NKAIN2: variants seen among roughly 807,000 people sequenced by gnomAD.
NKAIN2 encodes the protein sodium/potassium transporting ATPase interacting 2, also known as sodium/potassium-transporting ATPase subunit beta-1-interacting protein 2.
NKAIN2 carries 14 observed loss-of-function variants against 32.6 expected under a neutral mutation model. The ratio of observed to expected loss-of-function variants is 0.43; its 90% confidence interval spans 0.28 to 0.67. The LOEUF (loss-of-function observed/expected upper bound fraction) is 0.67. Among genes scored for constraint, NKAIN2 ranks in the 30% least tolerant of loss-of-function variants. The pLI, the probability that NKAIN2 is intolerant of heterozygous loss-of-function variation, is 0.17. For missense variants in NKAIN2, 198 were observed against 258.3 expected (o/e 0.77, Z 1.60); for synonymous variants, 80 against 87.2 (o/e 0.92, Z 0.46).
intron 1 of NKAIN2, among the ~76,000 whole-genome samples, chr6:124,255,377 A>T (rs138390726): frequency 6.6e-6 from 1 of 152,306 alleles, no homozygotes; most frequent in Non-Finnish European, 1.5e-5. Flanking sequence ...TACTTATCTA[A>T]TTTCAAACAT....
intron 4 of NKAIN2, among the ~76,000 whole-genome samples, chr6:124,750,165 T>C (rs1456775582): frequency 6.6e-6 from 1 of 151,886 alleles, no homozygotes; most frequent in Non-Finnish European, 1.5e-5. Context: ...ATAATACACA[T>C]GAAAGCGTAT....
chr6:124,105,856 T>C (rs1296867382), intron 1 of NKAIN2, among the ~76,000 whole-genome samples: 1 of 152,194 alleles, frequency 6.6e-6, no homozygotes, highest in Non-Finnish European at 1.5e-5. Context: ...TACATATAAG[T>C]AACAATGATA....
intron 3 of NKAIN2, among the ~76,000 whole-genome samples, chr6:124,459,404 G>T (rs1037795551): frequency 3.3e-5 from 5 of 151,718 alleles, no homozygotes. Context: ...TTATAAGATT[G>T]CATATCTTTG....
chr6:123,944,443 T>G (rs185791959), intron 1 of NKAIN2, among the ~76,000 whole-genome samples: 1 of 152,006 alleles, frequency 6.6e-6, no homozygotes, highest in Non-Finnish European at 1.5e-5. Flanking sequence ...CCACCTCATG[T>G]GTAGCCTTCT....
chr6:124,427,027 G>A (rs1204060620), intron 3 of NKAIN2, among the ~76,000 whole-genome samples: 1 of 152,124 alleles, frequency 6.6e-6, no homozygotes, highest in Non-Finnish European at 1.5e-5. Flanking sequence ...CAGGAGCCTG[G>A]AAATGGACTA....
At chr6:124,458,101 A>G (rs182452187) in intron 3 of NKAIN2, among the ~76,000 whole-genome samples, 1 of 152,084 alleles carries the variant, frequency 6.6e-6, no homozygotes, top group Non-Finnish European at 1.5e-5. Context: ...TTATATTTTC[A>G]TAGCTCTGTA....
At chr6:123,948,519 T>G (rs1777173900) in intron 1 of NKAIN2, among the ~76,000 whole-genome samples, 1 of 151,844 alleles carries the variant, frequency 6.6e-6, no homozygotes, top group East Asian at 1.9e-4. Flanking sequence ...TGATTAGTGA[T>G]GTTGAACATT....
In NKAIN2 at chr6:123,890,747, G is replaced by T. The variant is rs550289759; in HGVS notation, c.54+86493G>T. On this transcript the variant is annotated intron_variant, in intron 1 of 6. Transcript: ENST00000368417. The stretch of plus-strand genomic sequence containing the variant: ...GCATTGCTGATGAGAATATGAAAGG[G>T]ATAGTTACTATGGAAAGCAGTTTGG... Among the ~76,000 whole-genome samples the T allele has an allele frequency of 1.1e-3, 163 of 152,200 alleles. 1 individual carries two copies. The highest frequency in any genetic ancestry group is 3.6e-3 in the African/African-American group (149 of 41,538).
intron 3 of NKAIN2, among the ~76,000 whole-genome samples, chr6:124,394,967 G>A (rs1773313489): frequency 6.6e-6 from 1 of 152,020 alleles, no homozygotes; most frequent in South Asian, 2.1e-4. Context: ...GAAAAAGAGT[G>A]ATAATATGGG....
rs920036576 is a variant in NKAIN2 at position 124,013,752 on chromosome 6, G to A, written c.54+209498G>A. Among the ~76,000 whole-genome samples, 5 of 152,138 alleles carry A rather than the reference G, an allele frequency of 3.3e-5. No individual in the cohort carries two copies. The South Asian group carries it at 1.0e-3, about 32-fold the overall frequency. On this transcript the variant is annotated intron_variant, in intron 1 of 6. Coordinates refer to ENST00000368417, the MANE Select transcript of NKAIN2 (RefSeq NM_001040214.3). ...GGGCCCAGTTTAATCACACGTGTCT[G>A]TAAATGCAGAAACTCTTTCCCAACT...
chr6:123,843,623 A>G (rs1390966704), intron 1 of NKAIN2, among the ~76,000 whole-genome samples: 1 of 151,910 alleles, frequency 6.6e-6, no homozygotes, highest in African/African-American at 2.4e-5. Flanking sequence ...CTCACCAGTG[A>G]CCTCGCCCTC....
chr6:124,415,804 C>A (rs747599658), intron 3 of NKAIN2, among the ~76,000 whole-genome samples: 1 of 148,084 alleles, frequency 6.8e-6, no homozygotes, highest in Non-Finnish European at 1.5e-5. Flanking sequence ...GTCAAACCAA[C>A]TATGTATTTT....
chr6:124,505,785 G>C (rs1056775633), intron 3 of NKAIN2, among the ~76,000 whole-genome samples: 5 of 152,144 alleles, frequency 3.3e-5, no homozygotes, highest in African/African-American at 1.2e-4. Flanking sequence ...GAGAAGTATT[G>C]TGGATGCATG....
intron 1 of NKAIN2, among the ~76,000 whole-genome samples, chr6:123,967,487 T>C (rs1317603438): frequency 6.6e-6 from 1 of 152,170 alleles, no homozygotes; most frequent in Non-Finnish European, 1.5e-5. Context: ...CTACTCTCTA[T>C]TGTTTGTTAT....
intron 3 of NKAIN2, among the ~76,000 whole-genome samples, chr6:124,530,335 C>T (rs1347020120): frequency 3.3e-5 from 5 of 152,114 alleles, no homozygotes; most frequent in Non-Finnish European, 5.9e-5. Context: ...ATTTACTATT[C>T]GCTAAGTGGA....
chr6:124,657,069 C>T (rs947763800), intron 3 of NKAIN2, among the ~76,000 whole-genome samples: 1 of 152,232 alleles, frequency 6.6e-6, no homozygotes. Context: ...AGAAGTTCTA[C>T]TTGCAATCTC....
intron 3 of NKAIN2, among the ~76,000 whole-genome samples, chr6:124,503,536 A>G (rs1349414885): frequency 6.6e-6 from 1 of 152,150 alleles, no homozygotes; most frequent in African/African-American, 2.4e-5. Context: ...AGCAGTCTAT[A>G]TAGGTTAAAT....
At chr6:123,961,973 G>C (rs1403623032) in intron 1 of NKAIN2, among the ~76,000 whole-genome samples, 1 of 152,092 alleles carries the variant, frequency 6.6e-6, no homozygotes, top group Non-Finnish European at 1.5e-5. Context: ...ATTAAAAAGA[G>C]AAAGCTATTT....
intron 3 of NKAIN2, among the ~76,000 whole-genome samples, chr6:124,496,176 C>T: frequency 6.6e-6 from 1 of 152,088 alleles, no homozygotes; most frequent in Non-Finnish European, 1.5e-5. Flanking sequence ...TTGTGAATAA[C>T]CCTCAAGAAT....
Sources: allele counts gnomAD v4.1 joint callset (sites outside exome capture counted in the v4.1 genomes callset), GRCh38; gene constraint gnomAD v4.1.1; transcripts MANE v1.5; gene names NCBI Gene and HGNC (gene_info 2026-07-23, HGNC 2026-07-21).